The following SYT1 variants were observed in gnomAD, a reference collection of about 807,000 sequenced individuals.
The protein encoded by SYT1 is synaptotagmin-1.
In SYT1, 8 loss-of-function variants were observed where a neutral mutation model predicts 44.8. The observed-to-expected ratio is 0.18, with a 90% CI of 0.10 to 0.32. SYT1 has a LOEUF of 0.32. SYT1 is among the 10% of genes least tolerant of loss of function. The pLI is 1.00. For missense variants in SYT1, 286 were observed against 509.3 expected, an observed-to-expected ratio of 0.56 and a Z score of 4.22; for synonymous variants, 154 against 188.8, an observed-to-expected ratio of 0.82 and a Z score of 1.51.
At chr12:79,205,228 C>T (rs1455216143) in intron 3 of SYT1, among the ~76,000 whole-genome samples, 1 of 152,104 alleles carries the variant, frequency 6.6e-6, no homozygotes, top group Non-Finnish European at 1.5e-5. Flanking sequence ...TCCCAAAGTG[C>T]TAGGATTACA....
chr12:79,194,084 A>C (rs969904218), intron 3 of SYT1, among the ~76,000 whole-genome samples: 1 of 152,162 alleles, frequency 6.6e-6, no homozygotes, highest in Non-Finnish European at 1.5e-5. Context: ...TTTTATGCAG[A>C]GTGAGCCTCT....
chr12:79,295,048 G>A (rs1343131207), intron 6 of SYT1, among the ~76,000 whole-genome samples: 1 of 152,044 alleles, frequency 6.6e-6, no homozygotes, highest in Non-Finnish European at 1.5e-5. Flanking sequence ...AGGGGGAATT[G>A]CTTTTTTACT....
intron 8 of SYT1, among the ~76,000 whole-genome samples, chr12:79,322,199 C>G (rs1592964961): frequency 6.6e-6 from 1 of 152,198 alleles, no homozygotes; most frequent in East Asian, 1.9e-4. Flanking sequence ...TCTGGCATGC[C>G]TAAACAAAAA....
At chr12:79,446,034 T>TATACATATATATATATATG (rs1491131045) in intron 10 of SYT1, among the ~76,000 whole-genome samples, 1 of 115,562 alleles carries the variant, frequency 8.7e-6, no homozygotes, top group African/African-American at 3.4e-5. Flanking sequence ...TATATATATA[T>TATACATATATATATATATG]TATGCCTAGG....
chr12:79,249,963 G>A (rs913438950), intron 4 of SYT1, among the ~76,000 whole-genome samples: 10 of 152,046 alleles, frequency 6.6e-5, no homozygotes, highest in African/African-American at 1.4e-4. Flanking sequence ...AAAAAATAGG[G>A]TTGGGTCTGG....
intron 1 of SYT1, among the ~76,000 whole-genome samples, chr12:78,896,976 A>C (rs1875396754): frequency 6.6e-6 from 1 of 151,796 alleles, no homozygotes; most frequent in Non-Finnish European, 1.5e-5. Context: ...AAGTCTGAGA[A>C]CCTCACAATC....
Position 79,217,495 on chromosome 12 carries a change from C to T in SYT1, c.-17-8C>T. The T allele has an allele frequency of 6.4e-7, 1 of 1,561,548 alleles. No homozygotes were observed. Among genetic ancestry groups the T allele is most frequent in the South Asian group, 1.2e-5 (1 of 85,266 alleles). On this transcript the variant is annotated splice_region_variant and splice_polypyrimidine_tract_variant and intron_variant, in intron 3 of 10. Coordinates refer to ENST00000261205, the MANE Select transcript of SYT1 (RefSeq NM_005639.3). ...AATTGTTCTGTCTTTGCTTCCCTCC[C>T]CTCACAGCTTCACCTGAACCTAAAA...
chr12:79,192,943 C>T (rs778156880), intron 3 of SYT1, among the ~76,000 whole-genome samples: 36 of 152,124 alleles, frequency 2.4e-4, no homozygotes, highest in Admixed American at 5.9e-4. Flanking sequence ...TGATTCCTTT[C>T]AATACTGTGG....
In SYT1 at chr12:79,195,021, A is replaced by T. The variant is rs963119146; in HGVS notation, c.-17-22482A>T. The stretch of plus-strand genomic sequence containing the variant: ...TCTGTTAACCTTGAAGCCCTGATTA[A>T]AACACAAATAAGCGAGAAAATCCCT... On this transcript the variant is annotated intron_variant, in intron 3 of 10. Coordinates refer to ENST00000261205, the MANE Select transcript of SYT1 (RefSeq NM_005639.3). 5.9e-5 allele frequency among the ~76,000 whole-genome samples: 9 copies of T among 152,212 alleles called. No homozygotes were observed. In the East Asian group the frequency reaches 1.5e-3, roughly 26 times the overall value.
At chr12:78,947,547 G>A (rs988337993) in intron 1 of SYT1, among the ~76,000 whole-genome samples, 2 of 148,946 alleles carry the variant, frequency 1.3e-5, no homozygotes, top group Non-Finnish European at 3.0e-5. Flanking sequence ...AATTCACTTA[G>A]GATAAAATGT....
Position 79,156,992 on chromosome 12 carries a change from G to A in SYT1, c.-17-60511G>A, listed in dbSNP as rs376752666. Among the ~76,000 whole-genome samples the A allele has an allele frequency of 5.9e-5, 9 of 152,198 alleles. 1 individual carries two copies. The highest frequency in any genetic ancestry group is 3.9e-4 in the East Asian group (2 of 5,148). On this transcript the variant is annotated intron_variant, in intron 3 of 10. Transcript: ENST00000261205. ...ACCTCTAGAATTGGCTTAGGCAAGA[G>A]AGAGACAGACTGATGGGGAGGAAAA...
chr12:79,241,044 A>AGG (rs1218319965), intron 4 of SYT1, among the ~76,000 whole-genome samples: 1 of 152,080 alleles, frequency 6.6e-6, no homozygotes, highest in East Asian at 1.9e-4. Context: ...ATGGTGGCAC[A>AGG]TGCCTTTAGT....
intron 2 of SYT1, among the ~76,000 whole-genome samples, chr12:79,045,212 C>T (rs1024823282): frequency 1.3e-5 from 2 of 152,220 alleles, no homozygotes; most frequent in East Asian, 3.9e-4. Context: ...GGGCGCCCCT[C>T]CCCCAGCCTG....
At chr12:79,055,896 T>C (rs1874898391) in intron 3 of SYT1, among the ~76,000 whole-genome samples, 1 of 152,004 alleles carries the variant, frequency 6.6e-6, no homozygotes. Context: ...ACCTAACAAA[T>C]TTCAGTCAAT....
chr12:78,907,589 T>G (rs1876066320), intron 1 of SYT1, among the ~76,000 whole-genome samples: 1 of 152,018 alleles, frequency 6.6e-6, no homozygotes, highest in Non-Finnish European at 1.5e-5. Context: ...TTCCAGAAGT[T>G]GCATACTTAT....
At chr12:79,434,399 C>T (rs1869969233) in intron 9 of SYT1, among the ~76,000 whole-genome samples, 1 of 152,190 alleles carries the variant, frequency 6.6e-6, no homozygotes, top group South Asian at 2.1e-4. Context: ...TATAAAGACA[C>T]TTAAATGCTT....
intron 9 of SYT1, among the ~76,000 whole-genome samples, chr12:79,354,573 C>T (rs571730893): frequency 5.3e-5 from 8 of 152,232 alleles, no homozygotes; most frequent in African/African-American, 1.9e-4. Context: ...AATTTGTCGA[C>T]CAAATTCTCC....
intron 1 of SYT1, among the ~76,000 whole-genome samples, chr12:78,897,254 G>T (rs989287751): frequency 6.6e-6 from 1 of 151,582 alleles, no homozygotes; most frequent in African/African-American, 2.4e-5. Context: ...CTTTAAAAAT[G>T]TCAAATACCA....
chr12:79,377,650 A>C (rs1593014286), intron 9 of SYT1, among the ~76,000 whole-genome samples: 1 of 152,348 alleles, frequency 6.6e-6, no homozygotes, highest in African/African-American at 2.4e-5. Flanking sequence ...CTTCAGGCAG[A>C]GTTGCTTTTG....
Sources: gnomAD v4.1 joint callset for allele counts (sites outside exome capture counted in the v4.1 genomes callset) on GRCh38, gnomAD v4.1.1 for gene constraint, MANE v1.5 for transcripts, NCBI Gene and HGNC (gene_info 2026-07-23, HGNC 2026-07-21) for gene names.